DMD: variants seen among roughly 807,000 people sequenced by gnomAD.
DMD encodes the protein mutant dystrophin.
A neutral mutation model predicts 330.1 loss-of-function variants in DMD; 63 were observed. The ratio of observed to expected loss-of-function variants is 0.19; its 90% confidence interval spans 0.16 to 0.24. The LOEUF (loss-of-function observed/expected upper bound fraction) is 0.24. Among genes scored for constraint, DMD ranks in the 10% least tolerant of loss-of-function variants. DMD has a pLI of 1.00. For synonymous variants in DMD, 1,223 were observed against 959.8 expected, an observed-to-expected ratio of 1.27 and a Z score of -5.07; for missense variants, 3,344 against 2,684.1, an observed-to-expected ratio of 1.25 and a Z score of -5.43.
intron 44 of DMD, among the ~76,000 whole-genome samples, chrX:32,153,664 G>A (rs2096816654): frequency 8.9e-6 from 1 of 111,780 alleles, no homozygotes; most frequent in Non-Finnish European, 1.9e-5. Context: ...TTCCTCACAA[G>A]ACCAAAGCAA....
chrX:31,694,614 C>G (rs1225007240), intron 52 of DMD, among the ~76,000 whole-genome samples: 1 of 57,600 alleles, frequency 1.7e-5, no homozygotes, highest in Non-Finnish European at 3.0e-5. Context: ...AGATGACAAA[C>G]AGCATATATA....
chrX:31,976,642 T>C (rs1446987511), intron 44 of DMD, among the ~76,000 whole-genome samples: 2 of 111,337 alleles, frequency 1.8e-5, no homozygotes, highest in African/African-American at 6.5e-5. Flanking sequence ...ATCGTTTTGA[T>C]GAAGCTGCTT....
At chrX:33,103,319 C>T (rs1260833914) in intron 1 of DMD, among the ~76,000 whole-genome samples, 11 of 111,265 alleles carry the variant, frequency 9.9e-5, no homozygotes, top group Admixed American at 6.7e-4. Flanking sequence ...TCCCCTGTGA[C>T]CTGCATGTAT....
Position 32,455,938 on chromosome X carries a change from A to G in DMD, c.3433-1106T>C, listed in dbSNP as rs1215743533. ...TAACCAGAAAAATGCAAAACTTAAA[A>G]CATCTAAAAGAAAATCATACACCTT... On this transcript the variant is annotated intron_variant, in intron 25 of 78. Coordinates refer to ENST00000357033, the MANE Select transcript of DMD (RefSeq NM_004006.3). Among the ~76,000 whole-genome samples the G allele has an allele frequency of 7.2e-5, 8 of 111,229 alleles. No homozygotes were observed. In the Admixed American group the frequency reaches 7.7e-4, roughly 11 times the overall value.
intron 10 of DMD, 45 bp downstream of exon 10, chrX:32,644,919 T>C (rs1231535585): frequency 1.2e-5 from 14 of 1,181,254 alleles, no homozygotes; most frequent in African/African-American, 5.3e-5. Context: ...CTTGCCATTA[T>C]AACAAGTCAT....
At chrX:32,659,387 A>C (rs950873518) in intron 9 of DMD, among the ~76,000 whole-genome samples, 1 of 111,571 alleles carries the variant, frequency 9.0e-6, no homozygotes, top group African/African-American at 3.3e-5. Context: ...GGGGGAACTA[A>C]TGGGTAGCTT....
Position 31,180,361 on chromosome X carries a change from C to G in DMD, c.10086+9G>C, listed in dbSNP as rs1171551733. 8.6e-7 allele frequency: 1 copy of G among 1,167,133 alleles called. No homozygotes were observed. Among genetic ancestry groups the G allele is most frequent in the Non-Finnish European group, 1.2e-6 (1 of 856,736 alleles). ...ACTAACTCTCACGTCAGGCTGGCGT[C>G]AAACTTACCGGAGTGCAATATTCCA... On this transcript the variant is annotated intron_variant, in intron 69 of 78. Coordinates refer to ENST00000357033, the MANE Select transcript of DMD (RefSeq NM_004006.3).
rs1251207020 is a variant in DMD at position 33,190,975 on chromosome X, A to C, written c.31+20307T>G. ...ATATTATATATATATATAATATATA[A>C]TATTATATATATATATATAATATAT... On this transcript the variant is annotated intron_variant, in intron 1 of 78. Transcript: ENST00000357033. 2.5e-3 allele frequency among the ~76,000 whole-genome samples: 2 copies of C among 813 alleles called. 1 individual carries two copies. The highest frequency in any genetic ancestry group is 8.0e-3 in the Non-Finnish European group (2 of 250). 0.7% of individuals were successfully genotyped at this position (813 alleles called of 115,157 possible).
At chrX:31,398,255 C>T (rs2061036605) in intron 60 of DMD, among the ~76,000 whole-genome samples, 1 of 111,848 alleles carries the variant, frequency 8.9e-6, no homozygotes, top group African/African-American at 3.2e-5. Flanking sequence ...AATCTAGAGC[C>T]TCTGAACTAA....
At chrX:31,940,415 G>T (rs1259574419) in intron 45 of DMD, among the ~76,000 whole-genome samples, 3 of 111,667 alleles carry the variant, frequency 2.7e-5, no homozygotes, top group Non-Finnish European at 5.6e-5. Flanking sequence ...GAGCAAAAGT[G>T]ATGCTCATGA....
At chrX:32,485,889 G>A (rs2042410179) in intron 20 of DMD, among the ~76,000 whole-genome samples, 1 of 107,568 alleles carries the variant, frequency 9.3e-6, no homozygotes, top group East Asian at 2.9e-4. Flanking sequence ...GATTACAGGT[G>A]CCCGCTACCG....
At chrX:31,426,198 G>A (rs756002894) in intron 60 of DMD, among the ~76,000 whole-genome samples, 5 of 111,451 alleles carry the variant, frequency 4.5e-5, no homozygotes, top group African/African-American at 9.8e-5. Context: ...ACTGGAGTTC[G>A]TGTTAAAAAA....
chrX:33,313,666 G>A (rs1222641408), intron 1 of DMD, among the ~76,000 whole-genome samples: 1 of 99,489 alleles, frequency 1.0e-5, no homozygotes, highest in Admixed American at 1.1e-4. Context: ...CTTGTTAAGC[G>A]AAGTGGATGT....
intron 16 of DMD, among the ~76,000 whole-genome samples, chrX:32,561,954 G>A (rs764078850): frequency 2.8e-4 from 31 of 111,280 alleles, no homozygotes; most frequent in Admixed American, 2.2e-3. Flanking sequence ...CTTCATAAGT[G>A]AAGGAAGAAT....
rs183915415 is a variant in DMD, at chrX:33,071,371, A to T, written c.32-51171T>A. Among the ~76,000 whole-genome samples the T allele has an allele frequency of 5.7e-5, 6 of 105,585 alleles. No individual in the cohort carries two copies. The East Asian group carries it at 1.2e-3, about 21-fold the overall frequency. The allele number at this position is 105,585 out of a possible 115,157, so 91.7% of individuals were successfully genotyped here. The stretch of plus-strand genomic sequence containing the variant: ...GAGGCAGTGGTTGCAGTGAGCTGAG[A>T]TCACGCCACTTCACTCCAGCCTGGG... On this transcript the variant is annotated intron_variant, in intron 1 of 78. Coordinates refer to ENST00000357033, the MANE Select transcript of DMD (RefSeq NM_004006.3).
intron 1 of DMD, among the ~76,000 whole-genome samples, chrX:33,263,179 A>G (rs2052987515): frequency 9.0e-6 from 1 of 110,646 alleles, no homozygotes; most frequent in Admixed American, 9.7e-5. Flanking sequence ...ATAATAAAAT[A>G]TATACATGTA....
At chrX:31,812,407 G>T (rs2092484731) in intron 50 of DMD, among the ~76,000 whole-genome samples, 1 of 79,654 alleles carries the variant, frequency 1.3e-5, no homozygotes, top group African/African-American at 4.7e-5. Flanking sequence ...TCACACACTG[G>T]GGCCTGCTGT....
At chrX:31,422,048 T>A (rs1445532495) in intron 60 of DMD, among the ~76,000 whole-genome samples, 1 of 100,056 alleles carries the variant, frequency 1.0e-5, no homozygotes, top group African/African-American at 3.7e-5. Flanking sequence ...TATATATTTT[T>A]TTTTTTCTTT....
intron 59 of DMD, among the ~76,000 whole-genome samples, chrX:31,449,795 T>TAGATAG (rs1422679507): frequency 2.1e-3 from 170 of 81,260 alleles, no homozygotes; most frequent in African/African-American, 6.4e-3. Flanking sequence ...TATATATATA[T>TAGATAG]ATAGATAGAT....
Sources: gnomAD v4.1 joint callset for allele counts (sites outside exome capture counted in the v4.1 genomes callset) on GRCh38, gnomAD v4.1.1 for gene constraint, MANE v1.5 for transcripts, NCBI Gene and HGNC (gene_info 2026-07-23, HGNC 2026-07-21) for gene names.